Variants in TIFAB observed in about 807,000 individuals in gnomAD.
TIFAB encodes TIFA inhibitor.
For missense variants in TIFAB, 222 were observed against 203.6 expected, an observed-to-expected ratio of 1.09 and a Z score of -0.55; for synonymous variants, 116 against 95.2, an observed-to-expected ratio of 1.22 and a Z score of -1.27.
rs17676392 is a variant in TIFAB, at chr5:135,444,980, G to T, written c.*4474C>A. On this transcript the variant is annotated 3_prime_UTR_variant, in exon 2 of 2. Transcript: ENST00000537858. ...TGTTGCAAGTGGACGCGTCGGGGGT[G>T]GTCTGCACGGGCTGGCCTGCATAGC... 1.8e-3 allele frequency: 268 copies of T among 152,676 alleles called. No individual in the cohort carries two copies. Among genetic ancestry groups the T allele is most frequent in the Non-Finnish European group, 3.0e-3 (208 of 68,356 alleles). The allele number at this position is 152,676 out of a possible 1,614,324, so 9.5% of individuals were successfully genotyped here.
In TIFAB at chr5:135,447,814, C is replaced by T. The variant is rs1214034711; in HGVS notation, c.*1640G>A. On this transcript the variant is annotated 3_prime_UTR_variant, in exon 2 of 2. Transcript: ENST00000537858. The stretch of plus-strand genomic sequence containing the variant: ...TAGTAGTGATCAAATAAGTAATGCA[C>T]TCCTGAATGCTTGACTTTCCTGAGT... The T allele has an allele frequency of 6.6e-6, 1 of 152,318 alleles. No homozygotes were observed. Among genetic ancestry groups the T allele is most frequent in the Non-Finnish European group, 1.5e-5 (1 of 68,132 alleles). 9.4% of individuals were successfully genotyped at this position (152,318 alleles called of 1,614,324 possible). A position where few individuals can be genotyped will look rare whatever the true frequency, so the allele number is the denominator to read the frequency against.
chr5:135,446,363 C>T lies in TIFAB; in HGVS notation c.*3091G>A, dbSNP rs768533105. The T allele has an allele frequency of 9.9e-5, 157 of 1,586,772 alleles. No individual in the cohort carries two copies. Among genetic ancestry groups the T allele is most frequent in the South Asian group, 1.4e-4 (12 of 86,608 alleles). Reference sequence around the variant, plus strand: ...CTGTGCATACTTGCGTGTGTGCACACGCACACATGTTCACTCAGGCACGTG... The same window carrying T: ...CTGTGCATACTTGCGTGTGTGCACATGCACACATGTTCACTCAGGCACGTG... On this transcript the variant is annotated 3_prime_UTR_variant, in exon 2 of 2. Transcript: ENST00000537858.
In TIFAB at chr5:135,448,926, G is replaced by C. The variant is rs935097454; in HGVS notation, c.*528C>G. ...CTTTCCTAAGCCCCGCGTGCCTGTGGGTATTTGAAAGCTGAAGGTAACCCC... is the reference window on the plus strand; with the variant it reads ...CTTTCCTAAGCCCCGCGTGCCTGTGCGTATTTGAAAGCTGAAGGTAACCCC... On this transcript the variant is annotated 3_prime_UTR_variant, in exon 2 of 2. Transcript: ENST00000537858. The C allele has an allele frequency of 1.9e-5, 3 of 161,236 alleles. No individual in the cohort carries two copies. Among genetic ancestry groups the C allele is most frequent in the African/African-American group, 7.2e-5 (3 of 41,604 alleles). The allele number at this position is 161,236 out of a possible 1,614,324, so 10.0% of individuals were successfully genotyped here.
rs139704455 is a variant in TIFAB at position 135,447,002 on chromosome 5, T to C, written c.*2452A>G. 227 of 1,613,486 alleles carry C rather than the reference T, an allele frequency of 1.4e-4. No individual in the cohort carries two copies. Among genetic ancestry groups the C allele is most frequent in the Non-Finnish European group, 1.9e-4 (219 of 1,179,696 alleles). ...AGCTGGGGAGTGGCACCCTGGGAAC[T>C]CTGGGGTTTCCCCACCAGCTCCTCT... On this transcript the variant is annotated 3_prime_UTR_variant, in exon 2 of 2. Transcript: ENST00000537858.
chr5:135,450,275 CT>C (rs1769342790), intron 1 of TIFAB, among the ~76,000 whole-genome samples: 1 of 152,156 alleles, frequency 6.6e-6, no homozygotes, highest in African/African-American at 2.4e-5. Context: ...TTGGAGACAA[CT>C]TGGCCCTGCT....
intron 1 of TIFAB, 74 bp from the exon 2 acceptor site, chr5:135,450,023 A>T: frequency 6.7e-7 from 1 of 1,499,516 alleles, no homozygotes; most frequent in Non-Finnish European, 8.9e-7. Context: ...GCCCAGACAC[A>T]CTTGCCCACC....
chr5:135,449,465 C>A lies in TIFAB; in HGVS notation c.475G>T (p.Gly159Cys), dbSNP rs757550708. Residue 159 changes from glycine (G) to cysteine (C), a missense_variant, in exon 2 of 2, where the codon GGT (glycine) becomes TGT (cysteine). By Grantham distance (159) the Gly-to-Cys change is radical. Coordinates refer to ENST00000537858, the MANE Select transcript of TIFAB (RefSeq NM_001099221.2). The stretch of plus-strand genomic sequence containing the variant: ...GCAACCTGGATCTGCTACCCTGAAC[C>A]AGGGGGAGGCTGCCCCTGGGAGATG... ...EGISQGQPPP[G>C]SG is the part of the protein sequence containing the mutation. The A allele has an allele frequency of 6.2e-6, 10 of 1,613,590 alleles. No individual in the cohort carries two copies. The highest frequency in any genetic ancestry group is 8.5e-6 in the Non-Finnish European group (10 of 1,179,860).
At position 135,449,893 on chromosome 5, in the gene TIFAB, G is replaced by A. The variant is rs527797446; in HGVS notation, c.47C>T (p.Thr16Met). Reference protein sequence around the residue: ...TVLRVSLYHPTLGPSAFANVP... With the variant: ...TVLRVSLYHPMLGPSAFANVP... ...ATTGGCAAAGGCAGATGGGCCCAGC[G>A]TGGGATGGTACAGGCTCACTCGCAG... is the stretch of plus-strand genomic sequence containing the variant. Residue 16 changes from threonine (T) to methionine (M), a missense_variant, in exon 2 of 2, where the codon ACG becomes ATG. Physicochemically the swap from Thr to Met is moderately conservative, Grantham distance 81. Transcript: ENST00000537858. 3.5e-5 allele frequency: 55 copies of A among 1,564,894 alleles called. No individual in the cohort carries two copies. In the East Asian group the frequency reaches 1.0e-3, roughly 29 times the overall value.
Position 135,449,843 on chromosome 5 carries a change from TATC to T in TIFAB, c.94_96del (p.Asp32del). On this transcript the variant is annotated inframe_deletion, in exon 2 of 2. Coordinates refer to ENST00000537858, the MANE Select transcript of TIFAB (RefSeq NM_001099221.2). ...CCCCGTCCGAGAAGCAGAGGGCTGGTATCATGCTGCAGCCGTGGTGGGACATTG... is the reference window on the plus strand; with the variant it reads ...CCCCGTCCGAGAAGCAGAGGGCTGGTATGCTGCAGCCGTGGTGGGACATTG... 2 of 1,600,758 alleles carry T rather than the reference TATC, an allele frequency of 1.2e-6. No homozygotes were observed. The highest frequency in any genetic ancestry group is 1.7e-6 in the Non-Finnish European group (2 of 1,171,442).
rs1769339707 is a variant in TIFAB at position 135,450,078 on chromosome 5, G to A, written c.-10-129C>T. Reference sequence around the variant, plus strand: ...TCATACAATCACTCTGCCCAAGCCAGGATGGAGCCAAGGCTGGAATTGGTG... The same window carrying A: ...TCATACAATCACTCTGCCCAAGCCAAGATGGAGCCAAGGCTGGAATTGGTG... On this transcript the variant is annotated intron_variant, in intron 1 of 1. Coordinates refer to ENST00000537858, the MANE Select transcript of TIFAB (RefSeq NM_001099221.2). 8 of 1,270,100 alleles carry A rather than the reference G, an allele frequency of 6.3e-6. No individual in the cohort carries two copies. The East Asian group carries it at 1.9e-4, about 31-fold the overall frequency. 78.7% of individuals were successfully genotyped at this position (1,270,100 alleles called of 1,614,324 possible). A position where few individuals can be genotyped will look rare whatever the true frequency, so the allele number is the denominator to read the frequency against.
Position 135,446,382 on chromosome 5 carries a change from G to T in TIFAB, c.*3072C>A. On this transcript the variant is annotated 3_prime_UTR_variant, in exon 2 of 2. Coordinates refer to ENST00000537858, the MANE Select transcript of TIFAB (RefSeq NM_001099221.2). ...TGCACACGCACACATGTTCACTCAG[G>T]CACGTGGGCTGCCCTGCGGTGGGAG... 1.2e-6 allele frequency: 2 copies of T among 1,600,194 alleles called. No homozygotes were observed. Among genetic ancestry groups the T allele is most frequent in the Non-Finnish European group, 1.7e-6 (2 of 1,170,648 alleles).
chr5:135,450,039 G>A, intron 1 of TIFAB, 90 bp from the exon 2 acceptor site: 1 of 1,481,598 alleles, frequency 6.7e-7, no homozygotes, highest in South Asian at 1.4e-5. Context: ...CCACCTCAGG[G>A]GCCCTGTGCC....
chr5:135,450,098 T>A, intron 1 of TIFAB, 149 bp from the exon 2 acceptor site: 1 of 1,080,150 alleles, frequency 9.3e-7, no homozygotes, highest in Non-Finnish European at 1.3e-6. Context: ...AAGGCTGGAA[T>A]TGGTGTGGAA....
Position 135,449,390 on chromosome 5 carries a change from G to A in TIFAB, c.*64C>T. 1 of 1,582,386 alleles carries A rather than the reference G, an allele frequency of 6.3e-7. No homozygotes were observed. The highest frequency in any genetic ancestry group is 8.6e-7 in the Non-Finnish European group (1 of 1,165,266). ...TATTTCTGTTCCTCCTCCAGGTCTT[G>A]GCTGGAGAGGGCTGTCCCAAGTCTG... On this transcript the variant is annotated 3_prime_UTR_variant, in exon 2 of 2. Transcript: ENST00000537858.
At position 135,447,122 on chromosome 5, in the gene TIFAB, T is replaced by C. The variant is rs749157579; in HGVS notation, c.*2332A>G. On this transcript the variant is annotated 3_prime_UTR_variant, in exon 2 of 2. Transcript: ENST00000537858. ...TCCGTAATGCATAGTTGGGGGACCA[T>C]TTTGGTCAGTGACAGATCACTGCTG... 6.2e-7 allele frequency: 1 copy of C among 1,613,954 alleles called. No individual in the cohort carries two copies. Among genetic ancestry groups the C allele is most frequent in the African/African-American group, 1.3e-5 (1 of 75,068 alleles).
chr5:135,444,977 G>T lies in TIFAB; in HGVS notation c.*4477C>A, dbSNP rs1247483990. 6.6e-6 allele frequency: 1 copy of T among 152,634 alleles called. No homozygotes were observed. Among genetic ancestry groups the T allele is most frequent in the African/African-American group, 2.4e-5 (1 of 41,436 alleles). The allele number at this position is 152,634 out of a possible 1,614,324, so 9.5% of individuals were successfully genotyped here. A position where few individuals can be genotyped will look rare whatever the true frequency, so the allele number is the denominator to read the frequency against. ...GGGTGTTGCAAGTGGACGCGTCGGG[G>T]GTGGTCTGCACGGGCTGGCCTGCAT... On this transcript the variant is annotated 3_prime_UTR_variant, in exon 2 of 2. Coordinates refer to ENST00000537858, the MANE Select transcript of TIFAB (RefSeq NM_001099221.2).
chr5:135,447,095 G>A lies in TIFAB; in HGVS notation c.*2359C>T. ...TCTCGAGTTCTGTATGTGGGTTGCT[G>A]CTCCGTAATGCATAGTTGGGGGACC... is the stretch of plus-strand genomic sequence containing the variant. On this transcript the variant is annotated 3_prime_UTR_variant, in exon 2 of 2. Transcript: ENST00000537858. 1 of 1,614,048 alleles carries A rather than the reference G, an allele frequency of 6.2e-7. No homozygotes were observed. The highest frequency in any genetic ancestry group is 8.5e-7 in the Non-Finnish European group (1 of 1,179,904).
rs1769263529 is a variant in TIFAB at position 135,446,445 on chromosome 5, C to A, written c.*3009G>T. On this transcript the variant is annotated 3_prime_UTR_variant, in exon 2 of 2. Coordinates refer to ENST00000537858, the MANE Select transcript of TIFAB (RefSeq NM_001099221.2). ...AGTGGAGGTTGTTGGGAGGAACTCA[C>A]CCGCCTGCTCTGGCTGTCTGAGCAG... 1.2e-6 allele frequency: 2 copies of A among 1,613,400 alleles called. No individual in the cohort carries two copies. Among genetic ancestry groups the A allele is most frequent in the African/African-American group, 2.7e-5 (2 of 74,934 alleles).
chr5:135,446,943 G>T lies in TIFAB; in HGVS notation c.*2511C>A, dbSNP rs780435690. The T allele has an allele frequency of 3.5e-5, 56 of 1,612,796 alleles. No individual in the cohort carries two copies. In the East Asian group the frequency reaches 1.2e-3, roughly 34 times the overall value. On this transcript the variant is annotated 3_prime_UTR_variant, in exon 2 of 2. Transcript: ENST00000537858. Reference sequence around the variant, plus strand: ...CTGAGGCCCTGGAGAGGGGCACTCAGGGGCAGCAGCTCATTCCCAAAGTTC... The same window carrying T: ...CTGAGGCCCTGGAGAGGGGCACTCATGGGCAGCAGCTCATTCCCAAAGTTC...
Sources: allele counts gnomAD v4.1 joint callset (sites outside exome capture counted in the v4.1 genomes callset), GRCh38; gene constraint gnomAD v4.1.1; transcripts MANE v1.5; gene names NCBI Gene and HGNC (gene_info 2026-07-23, HGNC 2026-07-21).